Variants in SEPTIN6 observed in about 807,000 individuals in gnomAD.
The protein encoded by SEPTIN6 is septin-6.
SEPTIN6 carries 8 observed loss-of-function variants against 33.6 expected under a neutral mutation model. That is an observed-to-expected ratio of 0.24 (90% confidence interval 0.14 to 0.43). SEPTIN6 has a LOEUF of 0.43. SEPTIN6 is among the 20% of genes least tolerant of loss of function. The probability of loss-of-function intolerance (pLI) is 1.00; values close to 1 mark genes in which losing one functional copy is unlikely to be tolerated. For synonymous variants in SEPTIN6, 131 were observed against 140.0 expected (o/e 0.94, Z 0.45); for missense variants, 250 against 340.8 (o/e 0.73, Z 2.10).
downstream of SEPTIN6, chrX:119,615,958 T>C (rs1299232460): frequency 1.2e-5 from 2 of 167,588 alleles, no homozygotes. Context: ...ATGGTGGTGA[T>C]GGTGGTAGGG....
At chrX:119,649,093 A>G (rs2054310095) in intron 5 of SEPTIN6, among the ~76,000 whole-genome samples, 2 of 106,442 alleles carry the variant, frequency 1.9e-5, no homozygotes, top group East Asian at 2.9e-4. Flanking sequence ...ACACTTAATA[A>G]AGCAAAGCAT....
Position 119,664,795 on chromosome X carries a change from C to T in SEPTIN6, c.146-1118G>A, listed in dbSNP as rs1160090970. On this transcript the variant is annotated intron_variant, in intron 2 of 10. Coordinates refer to ENST00000394610, the MANE Select transcript of SEPTIN6 (RefSeq NM_145799.4). Reference sequence around the variant, plus strand: ...GGCAGAGGTTGCAGTGAGCTGAGATCGTGCCACTGCACTCCACCCTGGGCA... The same window carrying T: ...GGCAGAGGTTGCAGTGAGCTGAGATTGTGCCACTGCACTCCACCCTGGGCA... 3.1e-5 allele frequency among the ~76,000 whole-genome samples: 3 copies of T among 97,690 alleles called. No individual in the cohort carries two copies. The South Asian group carries it at 1.6e-3, about 53-fold the overall frequency. The allele number at this position is 97,690 out of a possible 115,157, so 84.8% of individuals were successfully genotyped here.
intron 1 of SEPTIN6, among the ~76,000 whole-genome samples, chrX:119,689,640 C>G (rs1195355081): frequency 9.0e-6 from 1 of 111,279 alleles, no homozygotes; most frequent in Non-Finnish European, 1.9e-5. Flanking sequence ...CCACGCCTGG[C>G]TAATTTTTTG....
chrX:119,672,293 T>A (rs2054762812), intron 2 of SEPTIN6, among the ~76,000 whole-genome samples: 1 of 111,311 alleles, frequency 9.0e-6, no homozygotes, highest in Non-Finnish European at 1.9e-5. Context: ...GCTGGGTACT[T>A]GAGCAATTCC....
chrX:119,656,716 T>C (rs1352531844), intron 3 of SEPTIN6, among the ~76,000 whole-genome samples: 1 of 110,759 alleles, frequency 9.0e-6, no homozygotes, highest in African/African-American at 3.3e-5. Flanking sequence ...TGAAACCCCG[T>C]CTCTACTAAA....
rs191886420 is a variant in SEPTIN6 at position 119,619,947 on chromosome X, G to C, written c.*146C>G. 1 of 1,179,185 alleles carries C rather than the reference G, an allele frequency of 8.5e-7. No individual in the cohort carries two copies. Among genetic ancestry groups the C allele is most frequent in the South Asian group, 1.9e-5 (1 of 52,145 alleles). On this transcript the variant is annotated 3_prime_UTR_variant, in exon 11 of 11. Transcript: ENST00000394610. ...AAACCTTGGCAGGAAGAGAGGAGAG[G>C]GCGCGGGTTGGATTGTATGCCCCCC...
intron 3 of SEPTIN6, among the ~76,000 whole-genome samples, chrX:119,656,613 C>T (rs772443056): frequency 2.0e-4 from 23 of 112,463 alleles, no homozygotes; most frequent in Middle Eastern, 4.6e-3. Flanking sequence ...GGAGGCCAGG[C>T]GCAGTGGCTC....
At chrX:119,670,486 G>GGGAGAT (rs1267308682) in intron 2 of SEPTIN6, among the ~76,000 whole-genome samples, 1 of 105,199 alleles carries the variant, frequency 9.5e-6, no homozygotes, top group East Asian at 2.9e-4. Context: ...ACTTGAACCT[G>GGGAGAT]GGAGATGGAG....
Position 119,644,630 on chromosome X carries a change from C to T in SEPTIN6, c.691-3842G>A, listed in dbSNP as rs183482472. Among the ~76,000 whole-genome samples, 409 of 110,601 alleles carry T rather than the reference C, an allele frequency of 3.7e-3. 6 individuals are homozygous for T. The highest frequency in any genetic ancestry group is 0.026 in the Admixed American group (272 of 10,406). On this transcript the variant is annotated intron_variant, in intron 5 of 10. Transcript: ENST00000394610. ...TTGGGAGGCCAAGGCAGGTGGATCACGAGGTCAGGAGTTCAAGACCAGCCT... is the reference window on the plus strand; with the variant it reads ...TTGGGAGGCCAAGGCAGGTGGATCATGAGGTCAGGAGTTCAAGACCAGCCT...
intron 3 of SEPTIN6, among the ~76,000 whole-genome samples, chrX:119,654,594 G>A (rs2054407277): frequency 8.9e-6 from 1 of 111,883 alleles, no homozygotes; most frequent in Non-Finnish European, 1.9e-5. Flanking sequence ...TAGTAGAGAA[G>A]GGGAAAATAG....
At chrX:119,688,123 T>C (rs545522274) in intron 1 of SEPTIN6, among the ~76,000 whole-genome samples, 3 of 111,660 alleles carry the variant, frequency 2.7e-5, no homozygotes, top group African/African-American at 6.5e-5. Context: ...AGTGGGTGAA[T>C]TGGCAAATGA....
At chrX:119,640,346 A>T in intron 6 of SEPTIN6, among the ~76,000 whole-genome samples, 1 of 109,902 alleles carries the variant, frequency 9.1e-6, no homozygotes, top group East Asian at 2.8e-4. Context: ...AGAATATCTG[A>T]ATTGTTTGTA....
chrX:119,674,116 G>A (rs934341296), intron 2 of SEPTIN6, among the ~76,000 whole-genome samples: 1 of 110,354 alleles, frequency 9.1e-6, no homozygotes, highest in East Asian at 2.8e-4. Flanking sequence ...CGTGTTACAG[G>A]GTGAAAATTA....
At chrX:119,656,997 T>C (rs1382160966) in intron 3 of SEPTIN6, among the ~76,000 whole-genome samples, 200 of 108,408 alleles carry the variant, frequency 1.8e-3, no homozygotes, top group African/African-American at 6.2e-3. Flanking sequence ...GGCAGGCGGA[T>C]TACCTGAGGT....
In SEPTIN6 at chrX:119,619,840, T is replaced by C; in HGVS notation, c.*253A>G. ...GGGGGTGCTGGGAGGGGGACTGGGA[T>C]GCAGGATGCATCTGCGAGCCACATG... On this transcript the variant is annotated 3_prime_UTR_variant, in exon 11 of 11. Coordinates refer to ENST00000394610, the MANE Select transcript of SEPTIN6 (RefSeq NM_145799.4). 9.3e-7 allele frequency: 1 copy of C among 1,069,760 alleles called. No homozygotes were observed. Among genetic ancestry groups the C allele is most frequent in the East Asian group, 3.5e-5 (1 of 28,521 alleles). 88.2% of individuals were successfully genotyped at this position (1,069,760 alleles called of 1,213,427 possible).
At chrX:119,647,932 C>T (rs759101907) in intron 5 of SEPTIN6, among the ~76,000 whole-genome samples, 20 of 108,033 alleles carry the variant, frequency 1.9e-4, no homozygotes, top group Admixed American at 3.9e-4. Flanking sequence ...GAATTACAGG[C>T]GTTAGCCACC....
rs543176539 is a variant in SEPTIN6, at chrX:119,648,098, G to C, written c.690+1839C>G. ...AGCCATAACAGCATGCTTGACAACT[G>C]CTGCTGCCTAGCTTGGGGGTTTCCA... is the stretch of plus-strand genomic sequence containing the variant. On this transcript the variant is annotated intron_variant, in intron 5 of 10. Transcript: ENST00000394610. 9.1e-5 allele frequency among the ~76,000 whole-genome samples: 10 copies of C among 109,423 alleles called. No homozygotes were observed. The South Asian group carries it at 3.8e-3, about 42-fold the overall frequency.
chrX:119,663,818 A>G (rs983265686), intron 2 of SEPTIN6, 141 bp from the exon 3 acceptor site: 1 of 463,639 alleles, frequency 2.2e-6, no homozygotes, highest in Non-Finnish European at 3.6e-6. Context: ...CAGATGAACT[A>G]TATGATGTCA....
intron 8 of SEPTIN6, among the ~76,000 whole-genome samples, chrX:119,631,870 C>T (rs1429359874): frequency 9.2e-6 from 1 of 108,287 alleles, no homozygotes; most frequent in Non-Finnish European, 1.9e-5. Context: ...TCAAGCAATT[C>T]TTCTGCCTCA....
Sources: gnomAD v4.1 joint callset for allele counts (sites outside exome capture counted in the v4.1 genomes callset) on GRCh38, gnomAD v4.1.1 for gene constraint, MANE v1.5 for transcripts, NCBI Gene and HGNC (gene_info 2026-07-23, HGNC 2026-07-21) for gene names.